Variants in COX7B2 observed in about 807,000 individuals in gnomAD.
COX7B2 encodes cytochrome c oxidase subunit 7B2, also known as cytochrome c oxidase subunit 7B2, mitochondrial.
For synonymous variants in COX7B2, 37 were observed against 32.1 expected, an observed-to-expected ratio of 1.15 and a Z score of -0.51; for missense variants, 109 against 95.9, an observed-to-expected ratio of 1.14 and a Z score of -0.57.
chr4:46,795,312 C>T (rs1475236122), intron 2 of COX7B2, among the ~76,000 whole-genome samples: 1 of 87,788 alleles, frequency 1.1e-5, no homozygotes, highest in African/African-American at 5.2e-5. Context: ...AGGTTTTCTT[C>T]TAGGGTTTTT....
At chr4:46,840,774 G>A (rs1205175885) in intron 2 of COX7B2, among the ~76,000 whole-genome samples, 3 of 152,040 alleles carry the variant, frequency 2.0e-5, no homozygotes, top group African/African-American at 7.2e-5. Flanking sequence ...TGCAGTAACA[G>A]AAGTGGACAT....
chr4:46,804,434 G>C (rs1718863168), intron 2 of COX7B2, among the ~76,000 whole-genome samples: 1 of 152,150 alleles, frequency 6.6e-6, no homozygotes, highest in East Asian at 1.9e-4. Flanking sequence ...AGAGAGAGCT[G>C]ATTGGTCCGT....
chr4:46,774,493 G>T (rs939882487), intron 2 of COX7B2, among the ~76,000 whole-genome samples: 1 of 151,964 alleles, frequency 6.6e-6, no homozygotes, highest in African/African-American at 2.4e-5. Flanking sequence ...ATCAATGTAG[G>T]GGACGTGACT....
chr4:46,888,100 G>T (rs141290802), intron 1 of COX7B2, among the ~76,000 whole-genome samples: 2 of 152,212 alleles, frequency 1.3e-5, no homozygotes, highest in Non-Finnish European at 2.9e-5. Context: ...GCAATAACTC[G>T]CATGGTGTGT....
chr4:46,867,475 G>A (rs1034590076), intron 1 of COX7B2, among the ~76,000 whole-genome samples: 8 of 152,166 alleles, frequency 5.3e-5, no homozygotes, highest in Non-Finnish European at 1.0e-4. Flanking sequence ...CATCACGACA[G>A]TTTACAAGTG....
intron 1 of COX7B2, among the ~76,000 whole-genome samples, chr4:46,882,247 C>T (rs914470544): frequency 1.3e-5 from 2 of 152,010 alleles, no homozygotes; most frequent in Admixed American, 1.3e-4. Flanking sequence ...TACCATTTGG[C>T]GACGAGAAGA....
At chr4:46,837,691 TAAAAAA>T (rs1715612032) in intron 2 of COX7B2, among the ~76,000 whole-genome samples, 1 of 151,922 alleles carries the variant, frequency 6.6e-6, no homozygotes, top group Non-Finnish European at 1.5e-5. Flanking sequence ...TTTTTCTACA[TAAAAAA>T]TAAAAATAAG....
chr4:46,747,092 A>T (rs1312517507), intron 2 of COX7B2, among the ~76,000 whole-genome samples: 1 of 152,094 alleles, frequency 6.6e-6, no homozygotes, highest in Non-Finnish European at 1.5e-5. Context: ...CCTATATAAC[A>T]TTTGTTATAC....
At chr4:46,830,847 G>T (rs771416100) in intron 2 of COX7B2, among the ~76,000 whole-genome samples, 5 of 152,224 alleles carry the variant, frequency 3.3e-5, no homozygotes, top group Non-Finnish European at 7.3e-5. Context: ...AAGAGGCAAA[G>T]TATGGAGAAA....
In COX7B2 at chr4:46,824,859, C is replaced by T. The variant is rs181572658; in HGVS notation, c.-50+20101G>A. ...TTCATGTTAAAAAACTCTCAATAACCTAGGTATAGAAGGAACATACCTAAA... is the reference window on the plus strand; with the variant it reads ...TTCATGTTAAAAAACTCTCAATAACTTAGGTATAGAAGGAACATACCTAAA... On this transcript the variant is annotated intron_variant, in intron 2 of 2. Transcript: ENST00000355591. Among the ~76,000 whole-genome samples, 12 of 152,046 alleles carry T rather than the reference C, an allele frequency of 7.9e-5. No homozygotes were observed. The East Asian group carries it at 2.3e-3, about 29-fold the overall frequency.
chr4:46,804,823 G>A (rs1000946654), intron 2 of COX7B2, among the ~76,000 whole-genome samples: 3 of 152,252 alleles, frequency 2.0e-5, no homozygotes, highest in Non-Finnish European at 4.4e-5. Flanking sequence ...CCTGTGCCGT[G>A]TGCCTGCACT....
chr4:46,894,903 G>C (rs553395685), intron 1 of COX7B2, among the ~76,000 whole-genome samples: 22 of 152,280 alleles, frequency 1.4e-4, no homozygotes, highest in Admixed American at 1.0e-3. Flanking sequence ...GTGATCATTA[G>C]AGAAATGCAA....
intron 1 of COX7B2, among the ~76,000 whole-genome samples, chr4:46,903,318 C>T (rs923933593): frequency 1.3e-5 from 2 of 152,154 alleles, no homozygotes; most frequent in Non-Finnish European, 2.9e-5. Flanking sequence ...ATTCTTAATA[C>T]TTGGAATGGG....
At chr4:46,750,461 G>C (rs758933234) in intron 2 of COX7B2, among the ~76,000 whole-genome samples, 5 of 151,994 alleles carry the variant, frequency 3.3e-5, no homozygotes, top group Non-Finnish European at 7.4e-5. Flanking sequence ...TGATTATAAT[G>C]ACATCTAGTA....
chr4:46,769,871 G>T (rs1225603165), intron 2 of COX7B2, among the ~76,000 whole-genome samples: 1 of 151,986 alleles, frequency 6.6e-6, no homozygotes, highest in Non-Finnish European at 1.5e-5. Flanking sequence ...TATACAATAA[G>T]CCCACAGCTA....
intron 1 of COX7B2, among the ~76,000 whole-genome samples, chr4:46,854,736 T>C (rs1716902691): frequency 6.6e-6 from 1 of 152,034 alleles, no homozygotes; most frequent in South Asian, 2.1e-4. Context: ...AACCTATATA[T>C]CCAATAAGAT....
chr4:46,751,315 T>C (rs1159958713), intron 2 of COX7B2, among the ~76,000 whole-genome samples: 2 of 150,956 alleles, frequency 1.3e-5, no homozygotes, highest in Non-Finnish European at 2.9e-5. Context: ...AAAGCATACA[T>C]ATGAACTTGT....
intron 2 of COX7B2, among the ~76,000 whole-genome samples, chr4:46,828,373 TGA>T (rs998639924): frequency 1.3e-5 from 2 of 152,176 alleles, no homozygotes; most frequent in African/African-American, 4.8e-5. Context: ...GTTCAAATTA[TGA>T]GTTTTCAAAT....
intron 2 of COX7B2, among the ~76,000 whole-genome samples, chr4:46,808,580 T>C (rs192040641): frequency 6.6e-6 from 1 of 152,024 alleles, no homozygotes; most frequent in Admixed American, 6.5e-5. Context: ...CTATATTTAA[T>C]AGATGTAGTG....
Sources: allele counts gnomAD v4.1 joint callset (sites outside exome capture counted in the v4.1 genomes callset), GRCh38; gene constraint gnomAD v4.1.1; transcripts MANE v1.5; gene names NCBI Gene and HGNC (gene_info 2026-07-23, HGNC 2026-07-21).